The following AACS variants were observed in gnomAD, a reference collection of about 807,000 sequenced individuals.
AACS encodes acetoacetate-CoA ligase.
In AACS, 69 loss-of-function variants were observed where a neutral mutation model predicts 83.1. That is an observed-to-expected ratio of 0.83 (90% CI 0.68 to 1.01). The LOEUF is 1.01. Among genes scored for constraint, AACS ranks in the 50% least tolerant of loss-of-function variants. The pLI is 0.00. For missense variants in AACS, 866 were observed against 882.2 expected (o/e 0.98, Z 0.23); for synonymous variants, 333 against 343.4 (o/e 0.97, Z 0.33).
At chr12:125,107,819 T>C (rs1956866962) in intron 8 of AACS, among the ~76,000 whole-genome samples, 1 of 152,068 alleles carries the variant, frequency 6.6e-6, no homozygotes. Flanking sequence ...AAAAATTAAC[T>C]GGACGTGGTG....
intron 2 of AACS, among the ~76,000 whole-genome samples, chr12:125,074,323 G>A (rs917667811): frequency 3.3e-5 from 5 of 152,084 alleles, no homozygotes; most frequent in African/African-American, 1.2e-4. Flanking sequence ...AGACCAAGAT[G>A]GGAGGATCCC....
At chr12:125,096,358 A>C (rs1956608014) in intron 5 of AACS, among the ~76,000 whole-genome samples, 1 of 152,198 alleles carries the variant, frequency 6.6e-6, no homozygotes, top group Non-Finnish European at 1.5e-5. Context: ...TTTAACTGGC[A>C]ATCATTTCTT....
rs1406865230 is a variant in AACS, at chr12:125,065,708, C to T, written c.124C>T (p.Leu42=). The part of the protein sequence containing the change: ...FRAAVGAACG[L]ALESYDDLYH... Reference sequence around the variant, plus strand: ...GGCGGCTGTGGGCGCCGCCTGCGGCCTGGCGCTGGGTGAGAGTCGGGCGCG... The same window carrying T: ...GGCGGCTGTGGGCGCCGCCTGCGGCTTGGCGCTGGGTGAGAGTCGGGCGCG... The change falls in exon 1 of 18, where the codon CTG becomes TTG. Residue 42 remains leucine (L), a synonymous_variant. Coordinates refer to ENST00000316519, the MANE Select transcript of AACS (RefSeq NM_023928.5). The T allele has an allele frequency of 6.5e-7, 1 of 1,537,176 alleles. No individual in the cohort carries two copies. The highest frequency in any genetic ancestry group is 1.4e-5 in the African/African-American group (1 of 71,552).
chr12:125,066,059 TG>T (rs991098274), intron 1 of AACS, among the ~76,000 whole-genome samples: 1 of 152,210 alleles, frequency 6.6e-6, no homozygotes, highest in African/African-American at 2.4e-5. Context: ...ACCTCCGGCC[TG>T]TGGGGGCTTC....
At chr12:125,137,686 C>T (rs1253163358) in intron 17 of AACS, among the ~76,000 whole-genome samples, 2 of 152,210 alleles carry the variant, frequency 1.3e-5, no homozygotes, top group African/African-American at 4.8e-5. Flanking sequence ...TCACAGCTTT[C>T]ATTTGCATTG....
chr12:125,136,597 T>A (rs1593012700), intron 16 of AACS, 65 bp from the exon 17 acceptor site: 2 of 1,433,324 alleles, frequency 1.4e-6, no homozygotes. Context: ...GCCAGGTTGC[T>A]GTGAGGCCCG....
intron 3 of AACS, among the ~76,000 whole-genome samples, chr12:125,077,740 A>G (rs1956063519): frequency 6.6e-6 from 1 of 151,870 alleles, no homozygotes; most frequent in Non-Finnish European, 1.5e-5. Context: ...TTGAGATAGA[A>G]TCTTCCTCTG....
At chr12:125,118,911 A>C in intron 10 of AACS, 146 bp downstream of exon 10, 1 of 1,257,274 alleles carries the variant, frequency 8.0e-7, no homozygotes, top group African/African-American at 1.5e-5. Flanking sequence ...CCTCTCCAAG[A>C]GGAGGGCATG....
At chr12:125,133,679 C>A (rs1392123405) in intron 14 of AACS, among the ~76,000 whole-genome samples, 1 of 152,256 alleles carries the variant, frequency 6.6e-6, no homozygotes, top group Non-Finnish European at 1.5e-5. Flanking sequence ...GTGCTACACT[C>A]AGGGTTGTCT....
At chr12:125,134,947 G>A in intron 16 of AACS, 95 bp downstream of exon 16, 2 of 1,421,800 alleles carry the variant, frequency 1.4e-6, no homozygotes, top group Non-Finnish European at 2.0e-6. Context: ...CACAACTCTG[G>A]CCCCTTGTTC....
At chr12:125,074,577 A>G (rs1440723958) in intron 2 of AACS, among the ~76,000 whole-genome samples, 1 of 152,028 alleles carries the variant, frequency 6.6e-6, no homozygotes, top group Non-Finnish European at 1.5e-5. Context: ...GTTAAAATAC[A>G]TATATCATAA....
At chr12:125,084,966 A>G (rs535461519) in intron 3 of AACS, among the ~76,000 whole-genome samples, 2 of 152,090 alleles carry the variant, frequency 1.3e-5, no homozygotes, top group East Asian at 3.9e-4. Flanking sequence ...TCCTGCCTTA[A>G]CCTCTCAAAG....
At chr12:125,138,064 G>C (rs1222156382) in intron 17 of AACS, among the ~76,000 whole-genome samples, 1 of 152,204 alleles carries the variant, frequency 6.6e-6, no homozygotes, top group East Asian at 1.9e-4. Flanking sequence ...AGTGGGGGCT[G>C]GGGAGAGCGC....
At position 125,129,239 on chromosome 12, in the gene AACS, A is replaced by AT. The variant is rs1957291203; in HGVS notation, c.1424-94dup. 6.1e-6 allele frequency: 9 copies of AT among 1,482,980 alleles called. No homozygotes were observed. Among genetic ancestry groups the AT allele is most frequent in the Non-Finnish European group, 8.1e-6 (9 of 1,110,882 alleles). 91.9% of individuals were successfully genotyped at this position (1,482,980 alleles called of 1,614,324 possible). The stretch of plus-strand genomic sequence containing the variant: ...CTGTACCTTTGTATATGTCTGGAAT[A>AT]TTGCATAATAAGTAATAGCTTAAGA... On this transcript the variant is annotated intron_variant, in intron 13 of 17. Transcript: ENST00000316519. This position sits in a 1 kb window ranked among gnomAD's most constrained non-coding sequence, Gnocchi z 4.3.
chr12:125,103,900 A>G (rs1033770293), intron 7 of AACS, among the ~76,000 whole-genome samples: 7 of 138,036 alleles, frequency 5.1e-5, no homozygotes, highest in African/African-American at 1.8e-4. Context: ...AGGCAGGAGA[A>G]TGGCGTGAAT....
In AACS at chr12:125,076,751, C is replaced by T. The variant is rs1956035648; in HGVS notation, c.358+140C>T. 2.2e-6 allele frequency: 3 copies of T among 1,376,644 alleles called. No homozygotes were observed. In the Admixed American group the frequency reaches 7.1e-5, roughly 32 times the overall value. The allele number at this position is 1,376,644 out of a possible 1,614,324, so 85.3% of individuals were successfully genotyped here. A position where few individuals can be genotyped will look rare whatever the true frequency, so the allele number is the denominator to read the frequency against. ...CTGATGTAATTAAGATTTCTGTCGACTTTATTTTTGCTGGGGAGGGGAAAG... is the reference window on the plus strand; with the variant it reads ...CTGATGTAATTAAGATTTCTGTCGATTTTATTTTTGCTGGGGAGGGGAAAG... On this transcript the variant is annotated intron_variant, in intron 3 of 17. Transcript: ENST00000316519.
chr12:125,113,530 C>G lies in AACS; in HGVS notation c.916-947C>G, dbSNP rs1592987010. Among the ~76,000 whole-genome samples, 1 of 152,228 alleles carries G rather than the reference C, an allele frequency of 6.6e-6. No homozygotes were observed. Among genetic ancestry groups the G allele is most frequent in the South Asian group, 2.1e-4 (1 of 4,834 alleles). On this transcript the variant is annotated intron_variant, in intron 8 of 17. Transcript: ENST00000316519. This position sits in a 1 kb window ranked among gnomAD's most constrained non-coding sequence, Gnocchi z 4.8. ...TGGCGATGGGAAGCTTCCTCTCCTC[C>G]CTGCCCCTGCCAGACACACAGAGTT...
rs1300147374 is a variant in AACS at position 125,065,553 on chromosome 12, C to T, written c.-32C>T. 4.7e-6 allele frequency: 7 copies of T among 1,491,400 alleles called. No homozygotes were observed. The highest frequency in any genetic ancestry group is 2.9e-5 in the East Asian group (1 of 34,752). 92.4% of individuals were successfully genotyped at this position (1,491,400 alleles called of 1,614,324 possible). The stretch of plus-strand genomic sequence containing the variant: ...TCAGCCCCGGCCCCTGGTCCCCAGC[C>T]CTCGTCGCAGCCCCGGCCGCCCGCC... On this transcript the variant is annotated 5_prime_UTR_variant, in exon 1 of 18. Transcript: ENST00000316519.
intron 5 of AACS, among the ~76,000 whole-genome samples, chr12:125,091,744 C>G (rs759795874): frequency 6.6e-6 from 1 of 152,138 alleles, no homozygotes; most frequent in Non-Finnish European, 1.5e-5. Flanking sequence ...CCGTGTTCAT[C>G]GAAGACGTGG....
Sources: allele counts gnomAD v4.1 joint callset (sites outside exome capture counted in the v4.1 genomes callset), GRCh38; gene constraint gnomAD v4.1.1; non-coding constraint Gnocchi (gnomAD v3.1); transcripts MANE v1.5; gene names NCBI Gene and HGNC (gene_info 2026-07-23, HGNC 2026-07-21).